The following KSR2 variants were observed in gnomAD, a reference collection of about 807,000 sequenced individuals.
KSR2 encodes kinase suppressor of ras 2.
A neutral mutation model predicts 107.8 loss-of-function variants in KSR2; 25 were observed. The observed-to-expected ratio is 0.23, with a 90% CI of 0.17 to 0.32. The LOEUF (loss-of-function observed/expected upper bound fraction) is 0.32, where lower values mean the gene tolerates loss of function less well. Among genes scored for constraint, KSR2 ranks in the 10% least tolerant of loss-of-function variants. The pLI is 1.00. For synonymous variants in KSR2, 480 were observed against 507.0 expected (o/e 0.95, Z 0.71); for missense variants, 887 against 1,268.9 (o/e 0.70, Z 4.57).
chr12:117,603,550 T>C (rs879543694), intron 5 of KSR2, among the ~76,000 whole-genome samples: 2 of 152,154 alleles, frequency 1.3e-5, no homozygotes, highest in African/African-American at 4.8e-5. Context: ...CCGTTGGTCA[T>C]AGGGAACCCA....
At chr12:117,936,298 G>A (rs561264925) in intron 1 of KSR2, among the ~76,000 whole-genome samples, 197 of 151,828 alleles carry the variant, frequency 1.3e-3, no homozygotes, top group Non-Finnish European at 1.7e-3. Context: ...AAAGTGCTAG[G>A]ATTACAGGCA....
At chr12:117,813,469 G>A (rs1004237240) in intron 3 of KSR2, among the ~76,000 whole-genome samples, 4 of 151,970 alleles carry the variant, frequency 2.6e-5, no homozygotes, top group African/African-American at 9.7e-5. Context: ...ATTAAAAATG[G>A]GCAAAAGACC....
intron 1 of KSR2, among the ~76,000 whole-genome samples, chr12:117,931,089 G>A (rs922300103): frequency 9.2e-5 from 14 of 151,936 alleles, no homozygotes; most frequent in African/African-American, 1.9e-4. Flanking sequence ...AGAGTCGTGC[G>A]GAGCAGAGAC....
chr12:117,623,797 A>G (rs1017069256), intron 5 of KSR2, among the ~76,000 whole-genome samples: 3 of 152,220 alleles, frequency 2.0e-5, no homozygotes, highest in Non-Finnish European at 2.9e-5. Flanking sequence ...TCCTTGAGGA[A>G]TCGCCACACT....
intron 7 of KSR2, among the ~76,000 whole-genome samples, chr12:117,578,465 G>A (rs1165439669): frequency 6.6e-6 from 1 of 152,014 alleles, no homozygotes; most frequent in East Asian, 1.9e-4. Flanking sequence ...AAGCCAGCAT[G>A]GTGGCACAGG....
chr12:117,846,148 A>G (rs1434111580), intron 3 of KSR2, among the ~76,000 whole-genome samples: 2 of 152,092 alleles, frequency 1.3e-5, no homozygotes, highest in African/African-American at 2.4e-5. Flanking sequence ...ATTCCTTGCA[A>G]TAAATCTCTT....
chr12:117,765,325 A>G (rs2136888486), intron 3 of KSR2, among the ~76,000 whole-genome samples: 1 of 152,328 alleles, frequency 6.6e-6, no homozygotes, highest in South Asian at 2.1e-4. Context: ...TATCATGACA[A>G]GCTGTTGTCC....
Position 117,885,833 on chromosome 12 carries a change from C to T in KSR2, c.181-25402G>A, listed in dbSNP as rs145400426. ...AAACCTGGCCGGGCGCGGTGGCTCA[C>T]GTCTGTAATCCCAGCACTTTGGGAG... On this transcript the variant is annotated intron_variant, in intron 1 of 19. Coordinates refer to ENST00000339824, the MANE Select transcript of KSR2 (RefSeq NM_173598.6). 3.5e-3 allele frequency among the ~76,000 whole-genome samples: 527 copies of T among 152,098 alleles called. 10 individuals are homozygous for T. In the East Asian group the frequency reaches 0.042, roughly 12 times the overall value.
intron 4 of KSR2, among the ~76,000 whole-genome samples, chr12:117,732,433 C>A (rs1354978262): frequency 6.6e-6 from 1 of 152,064 alleles, no homozygotes; most frequent in African/African-American, 2.4e-5. Context: ...GGACTACAGG[C>A]ACCTGCCACT....
chr12:117,747,644 C>A (rs989091593), intron 4 of KSR2, among the ~76,000 whole-genome samples: 1 of 151,804 alleles, frequency 6.6e-6, no homozygotes, highest in Admixed American at 6.6e-5. Context: ...GGGCAAAGAA[C>A]CTGAATAGAC....
At chr12:117,705,706 C>T (rs557188182) in intron 4 of KSR2, among the ~76,000 whole-genome samples, 1 of 152,228 alleles carries the variant, frequency 6.6e-6, no homozygotes, top group South Asian at 2.1e-4. Flanking sequence ...ATAGATTGGG[C>T]CATAACGAAG....
intron 14 of KSR2, among the ~76,000 whole-genome samples, chr12:117,502,237 G>A (rs187361739): frequency 7.0e-4 from 106 of 152,322 alleles, no homozygotes; most frequent in South Asian, 8.3e-4. Flanking sequence ...GCATGTGTGT[G>A]TACATATGTA....
At position 117,967,947 on chromosome 12, in the gene KSR2, C is replaced by T. The variant is rs144097742; in HGVS notation, c.180+129G>A. 1.5e-3 allele frequency: 1,257 copies of T among 840,186 alleles called. 10 individuals carry two copies. In the African/African-American group the frequency reaches 0.019, roughly 13 times the overall value. 52.0% of individuals were successfully genotyped at this position (840,186 alleles called of 1,614,324 possible). On this transcript the variant is annotated intron_variant, in intron 1 of 19. Transcript: ENST00000339824. The stretch of plus-strand genomic sequence containing the variant: ...GCAAACCGTGCCCACCTTGCTTGCC[C>T]ACACCACCACCCCCAGCCCCCAATA...
intron 1 of KSR2, among the ~76,000 whole-genome samples, chr12:117,923,982 GA>G (rs1214429992): frequency 2.0e-5 from 3 of 150,848 alleles, no homozygotes; most frequent in Non-Finnish European, 4.4e-5. Flanking sequence ...GGGTTCAAGT[GA>G]ATCTCCTGCC....
chr12:117,691,700 T>C (rs773565831), intron 4 of KSR2, among the ~76,000 whole-genome samples: 6 of 152,198 alleles, frequency 3.9e-5, no homozygotes, highest in Non-Finnish European at 7.3e-5. Flanking sequence ...CTATCCCAGA[T>C]CTCTGATGGA....
chr12:117,560,885 T>G (rs1878068249), intron 7 of KSR2, among the ~76,000 whole-genome samples: 1 of 152,136 alleles, frequency 6.6e-6, no homozygotes, highest in Non-Finnish European at 1.5e-5. Flanking sequence ...CTCCCCCTTC[T>G]CCTTCTGCTA....
In KSR2 at chr12:117,706,112, C is replaced by T. The variant is rs763391923; in HGVS notation, c.987-38454G>A. ...AGGCTGGAGAGCAGTGGTGCAATCT[C>T]GGCTCACTGCAATCTCTGCCCCGCG... On this transcript the variant is annotated intron_variant, in intron 4 of 19. Coordinates refer to ENST00000339824, the MANE Select transcript of KSR2 (RefSeq NM_173598.6). Among the ~76,000 whole-genome samples, 10 of 146,782 alleles carry T rather than the reference C, an allele frequency of 6.8e-5. No individual in the cohort carries two copies. The Admixed American group carries it at 6.9e-4, about 10-fold the overall frequency.
At position 117,527,290 on chromosome 12, in the gene KSR2, CACACACACACAG is replaced by C. The variant is rs1484094075; in HGVS notation, c.1803-183_1803-172del. 9.5e-3 allele frequency among the ~76,000 whole-genome samples: 753 copies of C among 79,524 alleles called. 4 individuals are homozygous for C. Among genetic ancestry groups the C allele is most frequent in the Middle Eastern group, 0.032 (4 of 126 alleles). 52.2% of individuals were successfully genotyped at this position (79,524 alleles called of 152,430 possible). ...ATAATCCATAACCTCGACACACACA[CACACACACACAG>C]ACACACACACACACACACACACAGA... On this transcript the variant is annotated intron_variant, in intron 12 of 19. Coordinates refer to ENST00000339824, the MANE Select transcript of KSR2 (RefSeq NM_173598.6).
At chr12:117,739,892 T>TG (rs1555233731) in intron 4 of KSR2, among the ~76,000 whole-genome samples, 10 of 48,076 alleles carry the variant, frequency 2.1e-4, no homozygotes, top group East Asian at 8.8e-4. Context: ...GTGTTACTGT[T>TG]TTTTTTTTTC....
Sources: allele counts gnomAD v4.1 joint callset (sites outside exome capture counted in the v4.1 genomes callset), GRCh38; gene constraint gnomAD v4.1.1; transcripts MANE v1.5; gene names NCBI Gene and HGNC (gene_info 2026-07-23, HGNC 2026-07-21).